ROR2: variants seen among roughly 807,000 people sequenced by gnomAD.
The protein encoded by ROR2 is ROR family WNT receptor 2.
Under a neutral mutation model 74.9 loss-of-function variants are expected in ROR2, and 33 were observed. The ratio of observed to expected loss-of-function variants is 0.44; its 90% confidence interval spans 0.33 to 0.59. The LOEUF is 0.59. ROR2 is among the 20% of genes least tolerant of loss of function. ROR2 has a pLI of 0.02. For synonymous variants in ROR2, 586 were observed against 558.7 expected (o/e 1.05, Z -0.69); for missense variants, 1,216 against 1,313.8 (o/e 0.93, Z 1.15).
intron 1 of ROR2, among the ~76,000 whole-genome samples, chr9:91,818,202 G>A (rs1427110175): frequency 1.3e-5 from 2 of 152,136 alleles, no homozygotes; most frequent in South Asian, 2.1e-4. Flanking sequence ...CATGCCTGGC[G>A]ATCAAATCCT....
rs1294894545 is a variant in ROR2 at position 91,949,998 on chromosome 9, C to G, written c.-35G>C. 2 of 1,213,798 alleles carry G rather than the reference C, an allele frequency of 1.6e-6. No individual in the cohort carries two copies. Among genetic ancestry groups the G allele is most frequent in the African/African-American group, 3.3e-5 (2 of 61,466 alleles). 75.2% of individuals were successfully genotyped at this position (1,213,798 alleles called of 1,614,324 possible). On this transcript the variant is annotated 5_prime_UTR_variant, in exon 1 of 9. Transcript: ENST00000375708. ...AGTGGGGGCCGGGAAGCCCTCAGAG[C>G]TTCGGGCCGGGGCGCGGGGTCGGGC...
At chr9:91,939,120 C>T (rs1239223921) in intron 1 of ROR2, among the ~76,000 whole-genome samples, 2 of 151,946 alleles carry the variant, frequency 1.3e-5, no homozygotes, top group Non-Finnish European at 2.9e-5. Context: ...GGTGGTGGCA[C>T]GTGCCTGTAG....
chr9:91,805,035 G>A (rs773549833), intron 1 of ROR2, among the ~76,000 whole-genome samples: 4 of 152,198 alleles, frequency 2.6e-5, no homozygotes, highest in Non-Finnish European at 4.4e-5. Context: ...ATGGTAGGAC[G>A]AAAGTAGTAT....
chr9:91,860,151 T>G (rs1345144212), intron 1 of ROR2, among the ~76,000 whole-genome samples: 2 of 152,284 alleles, frequency 1.3e-5, no homozygotes, highest in African/African-American at 4.8e-5. Flanking sequence ...CATCAGGCAC[T>G]GACCAGGTTA....
chr9:91,782,364 G>C (rs1481565415), intron 1 of ROR2, among the ~76,000 whole-genome samples: 8 of 151,706 alleles, frequency 5.3e-5, no homozygotes, highest in Non-Finnish European at 8.8e-5. Flanking sequence ...TTGAATCTCT[G>C]GAAAGTTTTT....
At chr9:91,945,502 G>A (rs1056440113) in intron 1 of ROR2, among the ~76,000 whole-genome samples, 3 of 152,328 alleles carry the variant, frequency 2.0e-5, no homozygotes, top group African/African-American at 7.2e-5. Context: ...GCTTACTGAA[G>A]CTCATTCCAG....
intron 4 of ROR2, 67 bp downstream of exon 4, chr9:91,756,004 C>A (rs1390554123): frequency 3.2e-6 from 5 of 1,552,992 alleles, no homozygotes; most frequent in Middle Eastern, 1.7e-4. Context: ...GGATTTAAAC[C>A]CCGGATTCCT....
chr9:91,731,525 G>A (rs1030213269), intron 6 of ROR2, among the ~76,000 whole-genome samples: 22 of 152,176 alleles, frequency 1.4e-4, no homozygotes, highest in Non-Finnish European at 1.5e-5. Context: ...TCCATCTCAG[G>A]ACACCCTGCT....
At chr9:91,871,152 A>G (rs1053882484) in intron 1 of ROR2, among the ~76,000 whole-genome samples, 1 of 152,216 alleles carries the variant, frequency 6.6e-6, no homozygotes, top group Admixed American at 6.5e-5. Flanking sequence ...CTGTTCCTCA[A>G]AACTCTAACA....
chr9:91,849,740 A>G (rs2119249233), intron 1 of ROR2, among the ~76,000 whole-genome samples: 1 of 152,348 alleles, frequency 6.6e-6, no homozygotes, highest in East Asian at 1.9e-4. Context: ...TCTCTTGGAC[A>G]TGACTTCAAC....
intron 1 of ROR2, among the ~76,000 whole-genome samples, chr9:91,820,614 A>G: frequency 6.6e-6 from 1 of 152,004 alleles, no homozygotes; most frequent in Non-Finnish European, 1.5e-5. Flanking sequence ...TTTCACAGTC[A>G]GTGGGTTATT....
intron 1 of ROR2, among the ~76,000 whole-genome samples, chr9:91,791,450 T>C (rs1403714359): frequency 6.6e-6 from 1 of 152,154 alleles, no homozygotes; most frequent in Non-Finnish European, 1.5e-5. Context: ...GAATGTTTCC[T>C]ACCACTAAGA....
intron 1 of ROR2, among the ~76,000 whole-genome samples, chr9:91,776,537 A>AT (rs1826425246): frequency 6.6e-6 from 1 of 152,152 alleles, no homozygotes; most frequent in South Asian, 2.1e-4. Context: ...AGTTGCATGC[A>AT]TTTTACTCTT....
intron 1 of ROR2, among the ~76,000 whole-genome samples, chr9:91,901,933 C>T (rs145584552): frequency 6.6e-6 from 1 of 152,156 alleles, no homozygotes; most frequent in Admixed American, 6.5e-5. Context: ...GGGGGCCTAC[C>T]CTCAATTCTG....
chr9:91,861,019 AAT>A (rs1829453869), intron 1 of ROR2, among the ~76,000 whole-genome samples: 2 of 152,250 alleles, frequency 1.3e-5, no homozygotes, highest in South Asian at 4.1e-4. Context: ...ATTAAAAAAT[AAT>A]ATATTACTTA....
intron 1 of ROR2, among the ~76,000 whole-genome samples, chr9:91,801,733 C>T (rs938972054): frequency 3.3e-5 from 5 of 152,212 alleles, no homozygotes; most frequent in African/African-American, 9.7e-5. Context: ...TCCACAAGTT[C>T]ACTCAACACA....
chr9:91,922,458 A>ATTTT (rs569721605), intron 1 of ROR2, among the ~76,000 whole-genome samples: 1 of 151,500 alleles, frequency 6.6e-6, no homozygotes. Flanking sequence ...TAATTTTTTT[A>ATTTT]TTTTTTATTT....
At chr9:91,829,567 A>AC (rs1828397552) in intron 1 of ROR2, among the ~76,000 whole-genome samples, 1 of 150,908 alleles carries the variant, frequency 6.6e-6, no homozygotes, top group Admixed American at 6.6e-5. Context: ...AAAAAAAAAA[A>AC]AAAAAAGCAC....
At chr9:91,874,014 G>A (rs1829882020) in intron 1 of ROR2, among the ~76,000 whole-genome samples, 1 of 152,078 alleles carries the variant, frequency 6.6e-6, no homozygotes, top group Non-Finnish European at 1.5e-5. Context: ...GGCTTCTTTT[G>A]CTCTGATGAA....
Sources: allele counts gnomAD v4.1 joint callset (sites outside exome capture counted in the v4.1 genomes callset), GRCh38; gene constraint gnomAD v4.1.1; transcripts MANE v1.5; gene names NCBI Gene and HGNC (gene_info 2026-07-23, HGNC 2026-07-21).